Variants in ATP2B2 observed in about 807,000 individuals in gnomAD.
ATP2B2 encodes the protein ATPase plasma membrane Ca2+ transporting 2, also known as plasma membrane calcium-transporting ATPase 2.
In ATP2B2, 15 loss-of-function variants were observed where a neutral mutation model predicts 120.0. That is an observed-to-expected ratio of 0.12 (90% confidence interval 0.08 to 0.19). The LOEUF (loss-of-function observed/expected upper bound fraction) is 0.19. ATP2B2 is among the 10% of genes least tolerant of loss of function. The pLI is 1.00. For missense variants in ATP2B2, 1,045 were observed against 1,719.8 expected (o/e 0.61, Z 6.94); for synonymous variants, 694 against 700.3 (o/e 0.99, Z 0.14).
Position 10,326,447 on chromosome 3 carries a change from C to G in ATP2B2, c.*2367G>C. 1 of 346,834 alleles carries G rather than the reference C, an allele frequency of 2.9e-6. No homozygotes were observed. The allele number at this position is 346,834 out of a possible 1,614,324, so 21.5% of individuals were successfully genotyped here. A position where few individuals can be genotyped will look rare whatever the true frequency, so the allele number is the denominator to read the frequency against. ...GAACATGGAGCATGGTGTGCAAACACAGCTATCCTGATGTCATGGAACGAG... is the reference window on the plus strand; with the variant it reads ...GAACATGGAGCATGGTGTGCAAACAGAGCTATCCTGATGTCATGGAACGAG... On this transcript the variant is annotated 3_prime_UTR_variant, in exon 23 of 23. Transcript: ENST00000360273.
chr3:10,509,766 C>G (rs1430831933), upstream of ATP2B2, among the ~76,000 whole-genome samples: 1 of 152,190 alleles, frequency 6.6e-6, no homozygotes, highest in Non-Finnish European at 1.5e-5. Context: ...ACTCCCCACT[C>G]CCACCAAGGC....
At chr3:10,356,971 G>A (rs901795804) in intron 14 of ATP2B2, among the ~76,000 whole-genome samples, 2 of 137,612 alleles carry the variant, frequency 1.5e-5, no homozygotes, top group Non-Finnish European at 2.9e-5. Context: ...GTATGAGAGA[G>A]AGAGAGAGAG....
At chr3:10,392,846 C>G (rs1053871475) in intron 5 of ATP2B2, among the ~76,000 whole-genome samples, 1 of 152,214 alleles carries the variant, frequency 6.6e-6, no homozygotes, top group Non-Finnish European at 1.5e-5. Flanking sequence ...TGGCTTAGGC[C>G]CCATATCTCA....
intron 2 of ATP2B2, among the ~76,000 whole-genome samples, chr3:10,600,373 A>G (rs948052454): frequency 6.6e-6 from 1 of 152,024 alleles, no homozygotes; most frequent in Non-Finnish European, 1.5e-5. Flanking sequence ...CCCCTTGCTC[A>G]CCATTTTCTG....
At chr3:10,493,586 T>A (rs1329265934) in intron 1 of ATP2B2, among the ~76,000 whole-genome samples, 1 of 152,120 alleles carries the variant, frequency 6.6e-6, no homozygotes, top group East Asian at 1.9e-4. Context: ...CTGATATATA[T>A]TCTTAAAAAA....
At chr3:10,516,323 A>C (rs1050998930) in intron 3 of ATP2B2, among the ~76,000 whole-genome samples, 13 of 152,090 alleles carry the variant, frequency 8.5e-5, no homozygotes, top group African/African-American at 2.9e-4. Flanking sequence ...CCCACCATGG[A>C]GCCTACTGAC....
chr3:10,567,841 G>A lies in ATP2B2; in HGVS notation c.-414-33708C>T, dbSNP rs1248913618. Among the ~76,000 whole-genome samples the A allele has an allele frequency of 3.3e-5, 5 of 152,176 alleles. No individual in the cohort carries two copies. The East Asian group carries it at 7.7e-4, about 23-fold the overall frequency. ...ATCCACTTTGGCCCTCTCAGTGGGT[G>A]CTCAGGGAACAAATGAATGGTTATT... On this transcript the variant is annotated intron_variant, in intron 2 of 21. Transcript: ENST00000646379.
chr3:10,346,274 C>A lies in ATP2B2; in HGVS notation c.2405-137G>T. 4.9e-6 allele frequency: 4 copies of A among 816,382 alleles called. No individual in the cohort carries two copies. Among genetic ancestry groups the A allele is most frequent in the South Asian group, 4.5e-5 (3 of 67,236 alleles). The allele number at this position is 816,382 out of a possible 1,614,324, so 50.6% of individuals were successfully genotyped here. A position where few individuals can be genotyped will look rare whatever the true frequency, so the allele number is the denominator to read the frequency against. On this transcript the variant is annotated intron_variant, in intron 16 of 22. Transcript: ENST00000360273. This position sits in a 1 kb window ranked among gnomAD's most constrained non-coding sequence, Gnocchi z 4.1. Reference sequence around the variant, plus strand: ...TGTCCAGCCGCCCCCTCCATCCAGGCTCTTCCCAGCTCCAGGCTGGCCTAT... The same window carrying A: ...TGTCCAGCCGCCCCCTCCATCCAGGATCTTCCCAGCTCCAGGCTGGCCTAT...
chr3:10,368,186 T>A (rs1575033977), intron 12 of ATP2B2, among the ~76,000 whole-genome samples: 1 of 69,388 alleles, frequency 1.4e-5, no homozygotes. Flanking sequence ...GCAAATACTC[T>A]TTTTTTTTTT....
chr3:10,695,901 A>G (rs2071735252), intron 1 of ATP2B2, among the ~76,000 whole-genome samples: 1 of 152,234 alleles, frequency 6.6e-6, no homozygotes, highest in South Asian at 2.1e-4. Context: ...CATTCCCACA[A>G]GACAGATCTG....
At position 10,328,948 on chromosome 3, in the gene ATP2B2, A is replaced by C; in HGVS notation, c.3598T>G (p.Ser1200Ala). Residue 1200 changes from serine (S) to alanine (A), a missense_variant, in exon 23 of 23, where the codon TCG becomes GCG. By Grantham distance (99) the Ser-to-Ala change is moderately conservative (BLOSUM62 1). Coordinates refer to ENST00000360273, the MANE Select transcript of ATP2B2 (RefSeq NM_001001331.4). ...TTGTTGAGGGATGACGGCGGGCTCG[A>C]GTTCTGCTTGAGCGCGGCATCTTCT... ...LEEDAALKQN[S>A]SPPSSLNKNN... The C allele has an allele frequency of 6.2e-7, 1 of 1,613,624 alleles. No individual in the cohort carries two copies. Among genetic ancestry groups the C allele is most frequent in the Non-Finnish European group, 8.5e-7 (1 of 1,179,954 alleles).
At chr3:10,433,201 C>A (rs1186278150) in intron 2 of ATP2B2, among the ~76,000 whole-genome samples, 6 of 152,200 alleles carry the variant, frequency 3.9e-5, no homozygotes, top group Non-Finnish European at 8.8e-5. Flanking sequence ...AAGCTACCCT[C>A]TGCATTCTAC....
At chr3:10,599,797 T>C (rs895390293) in intron 2 of ATP2B2, among the ~76,000 whole-genome samples, 1 of 113,982 alleles carries the variant, frequency 8.8e-6, no homozygotes, top group African/African-American at 3.4e-5. Flanking sequence ...GCTCGTGTTC[T>C]ATAAGGGGGT....
chr3:10,417,369 C>G (rs548494368), intron 2 of ATP2B2, among the ~76,000 whole-genome samples: 1 of 151,986 alleles, frequency 6.6e-6, no homozygotes, highest in African/African-American at 2.4e-5. Context: ...CGGGCAGAGG[C>G]GCTCCTCACT....
At chr3:10,423,369 G>A (rs2063049839) in intron 2 of ATP2B2, among the ~76,000 whole-genome samples, 1 of 152,182 alleles carries the variant, frequency 6.6e-6, no homozygotes, top group Non-Finnish European at 1.5e-5. Context: ...CCAGGTCCAG[G>A]GAGGTTCAGC....
chr3:10,619,604 C>T (rs17033245), intron 2 of ATP2B2, among the ~76,000 whole-genome samples: 21,163 of 152,236 alleles, frequency 0.14, 1,672 homozygotes, highest in Middle Eastern at 0.23. Flanking sequence ...AATGCGTAGG[C>T]TCTGCGAGGA....
chr3:10,700,076 T>C (rs2071794636), intron 1 of ATP2B2, among the ~76,000 whole-genome samples: 1 of 152,166 alleles, frequency 6.6e-6, no homozygotes, highest in African/African-American at 2.4e-5. Flanking sequence ...AAAATCAACC[T>C]ACTTTGGGCA....
chr3:10,553,706 C>T (rs1024788274), intron 2 of ATP2B2, among the ~76,000 whole-genome samples: 5 of 152,200 alleles, frequency 3.3e-5, no homozygotes, highest in Admixed American at 6.5e-5. Flanking sequence ...AGAGCAGCAG[C>T]TCGGAGTGGG....
At chr3:10,384,355 G>T (rs1010580504) in intron 8 of ATP2B2, among the ~76,000 whole-genome samples, 2 of 152,194 alleles carry the variant, frequency 1.3e-5, no homozygotes, top group African/African-American at 2.4e-5. Flanking sequence ...CTCCTCTGGG[G>T]CAATGTTTTC....
Sources: gnomAD v4.1 joint callset for allele counts (sites outside exome capture counted in the v4.1 genomes callset) on GRCh38, gnomAD v4.1.1 for gene constraint, Gnocchi (gnomAD v3.1) non-coding constraint, MANE v1.5 for transcripts, NCBI Gene and HGNC (gene_info 2026-07-23, HGNC 2026-07-21) for gene names.